The following MNT variants were observed in gnomAD, a reference collection of about 807,000 sequenced individuals.
The protein encoded by MNT is MAX network transcriptional repressor, also known as max-binding protein MNT.
Under a neutral mutation model 40.7 loss-of-function variants are expected in MNT, and 13 were observed. The observed-to-expected ratio is 0.32, with a 90% confidence interval of 0.21 to 0.51. The LOEUF is 0.51. Among genes scored for constraint, MNT ranks in the 20% least tolerant of loss-of-function variants. The probability of loss-of-function intolerance (pLI) is 0.98; values close to 1 mark genes in which losing one functional copy is unlikely to be tolerated. For synonymous variants in MNT, 426 were observed against 354.8 expected (o/e 1.20, Z -2.26); for missense variants, 757 against 792.0 (o/e 0.96, Z 0.53).
chr17:2,394,272 C>G (rs1336817733), intron 3 of MNT, 33 bp downstream of exon 3: 3 of 1,572,650 alleles, frequency 1.9e-6, no homozygotes. Flanking sequence ...CGCGCACGCA[C>G]GCACGCACAC....
chr17:2,389,011 A>C (rs967396638), intron 4 of MNT, among the ~76,000 whole-genome samples: 32 of 150,536 alleles, frequency 2.1e-4, no homozygotes, highest in Admixed American at 1.2e-3. Context: ...CACACACACA[A>C]CTCACCAGCC....
In MNT at chr17:2,384,617, T is replaced by C. The variant is rs2066441205; in HGVS notation, c.*2284A>G. 1.3e-5 allele frequency: 2 copies of C among 148,540 alleles called. No homozygotes were observed. The highest frequency in any genetic ancestry group is 6.7e-5 in the Admixed American group (1 of 14,944). 9.2% of individuals were successfully genotyped at this position (148,540 alleles called of 1,614,324 possible). ...GCGTGCGTGTGTGTGTGTGTGTGTG[T>C]GTGTGTGTGTCCCAGGCTGGAAGGG... is the stretch of plus-strand genomic sequence containing the variant. On this transcript the variant is annotated 3_prime_UTR_variant, in exon 6 of 6. Transcript: ENST00000174618.
chr17:2,385,618 A>C lies in MNT; in HGVS notation c.*1283T>G, dbSNP rs563585021. ...CCAACCAAGGACCTCTTCTCAGAGA[A>C]AGGTGCTGCTGCTCTGCAGCTCCCC... On this transcript the variant is annotated 3_prime_UTR_variant, in exon 6 of 6. Coordinates refer to ENST00000174618, the MANE Select transcript of MNT (RefSeq NM_020310.3). 6.6e-6 allele frequency: 1 copy of C among 152,484 alleles called. No homozygotes were observed. The highest frequency in any genetic ancestry group is 2.4e-5 in the African/African-American group (1 of 41,590). The allele number at this position is 152,484 out of a possible 1,614,324, so 9.4% of individuals were successfully genotyped here.
chr17:2,400,514 C>A, intron 1 of MNT, 126 bp downstream of exon 1: 1 of 826,370 alleles, frequency 1.2e-6, no homozygotes, highest in Non-Finnish European at 1.8e-6. Flanking sequence ...CGCGGGGAGC[C>A]GTGCGCTGCC....
At position 2,387,239 on chromosome 17, in the gene MNT, C is replaced by T. The variant is rs768169705; in HGVS notation, c.1411G>A (p.Ala471Thr). Residue 471 changes from alanine to threonine, a missense_variant, in exon 6 of 6, where the codon GCC (alanine) becomes ACC (threonine). Transcript: ENST00000174618. The part of the protein sequence containing the change: ...GPGGKHIAHI[A>T]PSAPSPAVQL... ...ACCGCAGGGCTGGGGGCCGAGGGGG[C>T]GATGTGGGCGATGTGCTTGCCGCCT... The T allele has an allele frequency of 5.6e-6, 9 of 1,611,942 alleles. No individual in the cohort carries two copies. Among genetic ancestry groups the T allele is most frequent in the Non-Finnish European group, 5.9e-6 (7 of 1,179,278 alleles).
intron 1 of MNT, among the ~76,000 whole-genome samples, chr17:2,399,106 G>C (rs367941949): frequency 1.3e-5 from 2 of 151,970 alleles, no homozygotes; most frequent in African/African-American, 4.8e-5. Context: ...AGCAACAATA[G>C]GCAGAGAGAA....
Position 2,395,183 on chromosome 17 carries a change from G to A in MNT, c.345C>T (p.Pro115=). 2.1e-6 allele frequency: 3 copies of A among 1,461,540 alleles called. No homozygotes were observed. Among genetic ancestry groups the A allele is most frequent in the Non-Finnish European group, 2.7e-6 (3 of 1,111,560 alleles). The allele number at this position is 1,461,540 out of a possible 1,614,324, so 90.5% of individuals were successfully genotyped here. A position where few individuals can be genotyped will look rare whatever the true frequency, so the allele number is the denominator to read the frequency against. ...PPLPAAAQPL[P]LAPRQPALVG... is the part of the protein sequence containing the mutation. ...CCAGGGCCGGCTGACGAGGCGCCAG[G>A]GGCAGAGGCTGGGCTGCCGCGGGCA... Residue 115 remains proline, a synonymous_variant, in exon 2 of 6, where the codon CCC becomes CCT. Coordinates refer to ENST00000174618, the MANE Select transcript of MNT (RefSeq NM_020310.3).
chr17:2,392,759 A>T (rs1477860627), intron 4 of MNT: 1 of 151,726 alleles, frequency 6.6e-6, no homozygotes, highest in Non-Finnish European at 1.5e-5. Context: ...CCGCGACTCG[A>T]GAGCACCGCC....
chr17:2,399,659 G>GC (rs994583199), intron 1 of MNT, among the ~76,000 whole-genome samples: 47 of 151,884 alleles, frequency 3.1e-4, no homozygotes, highest in Non-Finnish European at 5.9e-4. Flanking sequence ...CCCAGGCCCC[G>GC]CCCCCGGCCG....
chr17:2,387,051 G>A lies in MNT; in HGVS notation c.1599C>T (p.Ala533=), dbSNP rs61742229. The A allele has an allele frequency of 0.077, 119,416 of 1,556,674 alleles. 5,353 individuals carry two copies. Among genetic ancestry groups the A allele is most frequent in the Non-Finnish European group, 0.092 (105,439 of 1,149,968 alleles). The change falls in exon 6 of 6, where the codon GCC becomes GCT. Residue 533 remains alanine (A), a synonymous_variant. Transcript: ENST00000174618. The part of the protein sequence containing the change: ...TLSHQQVNGT[A]GLGPPATVMA... ...TGACAGTAGCCGGGGGCCCCAGGCC[G>A]GCCGTGCCGTTGACTTGCTGGTGCG... is the stretch of plus-strand genomic sequence containing the variant.
Position 2,395,155 on chromosome 17 carries a change from C to G in MNT, c.373G>C (p.Gly125Arg). The change falls in exon 2 of 6, where the codon GGC becomes CGC. Residue 125 changes from glycine (G) to arginine (R), a missense_variant. By Grantham distance (125) the Gly-to-Arg change is moderately radical (BLOSUM62 -2). This residue lies in a region of MNT where 335 missense variants were observed against 291.4 expected (regional missense o/e 1.15). Coordinates refer to ENST00000174618, the MANE Select transcript of MNT (RefSeq NM_020310.3). ...TCCTTAATGCTGAGTCCGGGGGCGC[C>G]AACCAGGGCCGGCTGACGAGGCGCC... Reference protein sequence around the residue: ...PLAPRQPALVGAPGLSIKEPA... With the variant: ...PLAPRQPALVRAPGLSIKEPA... The G allele has an allele frequency of 6.9e-7, 1 of 1,454,788 alleles. No homozygotes were observed. The highest frequency in any genetic ancestry group is 9.0e-7 in the Non-Finnish European group (1 of 1,107,584). 90.1% of individuals were successfully genotyped at this position (1,454,788 alleles called of 1,614,324 possible). A position where few individuals can be genotyped will look rare whatever the true frequency, so the allele number is the denominator to read the frequency against.
rs2066611447 is a variant in MNT at position 2,401,015 on chromosome 17, C to T, written c.-303G>A. 3.7e-6 allele frequency: 1 copy of T among 272,112 alleles called. No individual in the cohort carries two copies. The highest frequency in any genetic ancestry group is 6.9e-6 in the Non-Finnish European group (1 of 144,202). The allele number at this position is 272,112 out of a possible 1,614,324, so 16.9% of individuals were successfully genotyped here. On this transcript the variant is annotated 5_prime_UTR_variant, in exon 1 of 6. Transcript: ENST00000174618. ...CTCCCTTCCGATGCCTCCCGCCCCG[C>T]GGCCCCCGGGAGTCCCGCCGACAAG...
At position 2,400,670 on chromosome 17, in the gene MNT, A is replaced by G. The variant is rs1206501497; in HGVS notation, c.43T>C (p.Trp15Arg). The G allele has an allele frequency of 6.3e-7, 1 of 1,586,358 alleles. No individual in the cohort carries two copies. The highest frequency in any genetic ancestry group is 1.1e-5 in the South Asian group (1 of 88,110). The change falls in exon 1 of 6, where the codon TGG (tryptophan) becomes CGG (arginine). Residue 15 changes from tryptophan (W) to arginine (R), a missense_variant. By Grantham distance (101) the Trp-to-Arg change is moderately radical. This residue lies in a region of MNT where 335 missense variants were observed against 291.4 expected (regional missense o/e 1.15). Coordinates refer to ENST00000174618, the MANE Select transcript of MNT (RefSeq NM_020310.3). ...TLLEAARFLE[W>R]QAQQQQRARE... ...GCTCTCTGTTGTTGCTGCGCTTGCC[A>G]TTCCAGGAAGCGGGCCGCCTCCAGT...
At chr17:2,388,305 C>A in intron 4 of MNT, 2 of 472,412 alleles carry the variant, frequency 4.2e-6, no homozygotes, top group Non-Finnish European at 7.5e-6. Context: ...GCAGGTCCTT[C>A]CCTGTCCTCC....
In MNT at chr17:2,386,827, G is replaced by A; in HGVS notation, c.*74C>T. The A allele has an allele frequency of 7.1e-7, 1 of 1,409,480 alleles. No homozygotes were observed. Among genetic ancestry groups the A allele is most frequent in the East Asian group, 2.6e-5 (1 of 38,562 alleles). The allele number at this position is 1,409,480 out of a possible 1,614,324, so 87.3% of individuals were successfully genotyped here. On this transcript the variant is annotated 3_prime_UTR_variant, in exon 6 of 6. Transcript: ENST00000174618. ...GGCCTGGGCCTGGCTGGAATGTGTGGAGCTGGTGGGTGAGAGAGTGGGGGA... is the reference window on the plus strand; with the variant it reads ...GGCCTGGGCCTGGCTGGAATGTGTGAAGCTGGTGGGTGAGAGAGTGGGGGA...
In MNT at chr17:2,386,406, T is replaced by C. The variant is rs1411655107; in HGVS notation, c.*495A>G. 1 of 156,418 alleles carries C rather than the reference T, an allele frequency of 6.4e-6. No individual in the cohort carries two copies. Among genetic ancestry groups the C allele is most frequent in the East Asian group, 1.9e-4 (1 of 5,272 alleles). 9.7% of individuals were successfully genotyped at this position (156,418 alleles called of 1,614,324 possible). On this transcript the variant is annotated 3_prime_UTR_variant, in exon 6 of 6. Coordinates refer to ENST00000174618, the MANE Select transcript of MNT (RefSeq NM_020310.3). ...AGAGCAAGGCCCCTTATCACCCCAA[T>C]CCGCAGCTTTCTGGGCCAAGTGGCT...
rs775249387 is a variant in MNT, at chr17:2,395,342, C to T, written c.186G>A (p.Ala62=). ...CCGGTGGAGACAGAGGCAGGGGTGGCGCCTCCATGCGGGGTTCCTCCACAG... is the reference window on the plus strand; with the variant it reads ...CCGGTGGAGACAGAGGCAGGGGTGGTGCCTCCATGCGGGGTTCCTCCACAG... The part of the protein sequence containing the change: ...TLPVEEPRME[A]PPLPLSPPAP... The change falls in exon 2 of 6, where the codon GCG becomes GCA. Residue 62 remains alanine, a synonymous_variant. Transcript: ENST00000174618. 14 of 1,610,842 alleles carry T rather than the reference C, an allele frequency of 8.7e-6. No individual in the cohort carries two copies. The highest frequency in any genetic ancestry group is 4.4e-5 in the South Asian group (4 of 90,926).
chr17:2,400,414 C>T, intron 1 of MNT: 3 of 444,074 alleles, frequency 6.8e-6, no homozygotes, highest in South Asian at 3.0e-5. Flanking sequence ...GCCGGGGTGG[C>T]GCCCGCAGGA....
At position 2,400,915 on chromosome 17, in the gene MNT, T is replaced by G; in HGVS notation, c.-203A>C. ...CTCAAAATATTTGCAAAATATAAAA[T>G]TGCAAATTTAAAAAAATGGGATGCA... On this transcript the variant is annotated 5_prime_UTR_variant, in exon 1 of 6. Transcript: ENST00000174618. 5.0e-6 allele frequency: 2 copies of G among 402,182 alleles called. No homozygotes were observed. Among genetic ancestry groups the G allele is most frequent in the East Asian group, 3.8e-5 (1 of 26,040 alleles). The allele number at this position is 402,182 out of a possible 1,614,324, so 24.9% of individuals were successfully genotyped here. A position where few individuals can be genotyped will look rare whatever the true frequency, so the allele number is the denominator to read the frequency against.
Sources: gnomAD v4.1 joint callset for allele counts (sites outside exome capture counted in the v4.1 genomes callset) on GRCh38, gnomAD v4.1.1 for gene constraint, gnomAD v4.1.1 regional missense constraint, MANE v1.5 for transcripts, NCBI Gene and HGNC (gene_info 2026-07-23, HGNC 2026-07-21) for gene names.